Variants in SCHIP1 observed in about 807,000 individuals in gnomAD.
The protein encoded by SCHIP1 is schwannomin interacting protein 1.
SCHIP1 carries 8 observed loss-of-function variants against 29.7 expected under a neutral mutation model. The observed-to-expected ratio is 0.27, with a 90% CI of 0.16 to 0.49. SCHIP1 has a LOEUF of 0.49. Ranked by LOEUF, SCHIP1 falls within the 20% of genes least tolerant of loss-of-function variation. The pLI is 0.99. For missense variants in SCHIP1, 193 were observed against 294.6 expected (o/e 0.66, Z 2.52); for synonymous variants, 76 against 94.9 (o/e 0.80, Z 1.16).
the SCHIP1 span, among the ~76,000 whole-genome samples, chr3:159,651,338 G>A: frequency 1.5e-4 from 23 of 152,266 alleles, no homozygotes; most frequent in African/African-American, 5.3e-4. Context: ...AAGAGAAACA[G>A]CAAGGAAGTT....
chr3:159,365,572 G>C, the SCHIP1 span, among the ~76,000 whole-genome samples: 3 of 152,140 alleles, frequency 2.0e-5, no homozygotes, highest in Non-Finnish European at 2.9e-5. Flanking sequence ...AACAGTGCCT[G>C]GCATGGATAT....
chr3:159,333,051 G>GA, the SCHIP1 span, among the ~76,000 whole-genome samples: 1 of 152,102 alleles, frequency 6.6e-6, no homozygotes, highest in African/African-American at 2.4e-5. Flanking sequence ...GATACTGAAA[G>GA]ACTGTTACTT....
At chr3:159,776,966 G>C in the SCHIP1 span, among the ~76,000 whole-genome samples, 1 of 152,146 alleles carries the variant, frequency 6.6e-6, no homozygotes, top group African/African-American at 2.4e-5. Flanking sequence ...TGGAAGGTAT[G>C]TCCCAGGGGT....
chr3:159,464,185 G>A, the SCHIP1 span, among the ~76,000 whole-genome samples: 5 of 152,136 alleles, frequency 3.3e-5, no homozygotes, highest in African/African-American at 9.6e-5. Context: ...GGAACCAGCT[G>A]CTTATATTCT....
At chr3:159,281,816 T>C in the SCHIP1 span, among the ~76,000 whole-genome samples, 2 of 152,114 alleles carry the variant, frequency 1.3e-5, no homozygotes, top group African/African-American at 2.4e-5. Flanking sequence ...TTTTAGAAAA[T>C]ATGAAATGTT....
chr3:159,766,877 C>A, the SCHIP1 span, among the ~76,000 whole-genome samples: 1 of 152,182 alleles, frequency 6.6e-6, no homozygotes, highest in East Asian at 1.9e-4. Context: ...CCACCCCCAA[C>A]GCATCTTCTG....
chr3:159,283,269 C>T, the SCHIP1 span, among the ~76,000 whole-genome samples: 1 of 152,196 alleles, frequency 6.6e-6, no homozygotes, highest in Admixed American at 6.5e-5. Flanking sequence ...TCTCCTGCCT[C>T]AGCTTCCCGA....
At chr3:159,639,518 A>G in the SCHIP1 span, among the ~76,000 whole-genome samples, 3 of 152,174 alleles carry the variant, frequency 2.0e-5, no homozygotes, top group African/African-American at 2.4e-5. Context: ...GACCCATAGA[A>G]AAGGTGTGTT....
the SCHIP1 span, among the ~76,000 whole-genome samples, chr3:159,737,977 G>C: frequency 2.2e-4 from 34 of 152,266 alleles, no homozygotes; most frequent in Admixed American, 5.9e-4. Context: ...CCTAGAATCA[G>C]TTGAAAGACA....
chr3:159,862,820 C>A (rs74379074), intron 1 of SCHIP1, among the ~76,000 whole-genome samples: 2 of 150,052 alleles, frequency 1.3e-5, no homozygotes, highest in Non-Finnish European at 3.0e-5. Context: ...TTTTAAAAAA[C>A]TTTTTTTTTT....
chr3:159,588,053 C>T, the SCHIP1 span, among the ~76,000 whole-genome samples: 5 of 152,172 alleles, frequency 3.3e-5, no homozygotes, highest in Admixed American at 1.3e-4. Context: ...CACTGTCTTC[C>T]ACAATGGTTG....
chr3:159,487,046 G>A, the SCHIP1 span, among the ~76,000 whole-genome samples: 8 of 152,200 alleles, frequency 5.3e-5, no homozygotes, highest in South Asian at 1.7e-3. Flanking sequence ...CAATGAGCTG[G>A]TGGCACCTTC....
At chr3:159,493,342 G>T in the SCHIP1 span, among the ~76,000 whole-genome samples, 1 of 152,186 alleles carries the variant, frequency 6.6e-6, no homozygotes, top group African/African-American at 2.4e-5. Flanking sequence ...TCAGTGTGCT[G>T]TATTCAGGAA....
chr3:159,559,201 A>G, the SCHIP1 span, among the ~76,000 whole-genome samples: 2 of 152,180 alleles, frequency 1.3e-5, no homozygotes, highest in African/African-American at 4.8e-5. Flanking sequence ...TTAGAGACCC[A>G]ACTCTGCACA....
At chr3:159,871,319 C>T (rs910493971) in intron 2 of SCHIP1, among the ~76,000 whole-genome samples, 3 of 121,226 alleles carry the variant, frequency 2.5e-5, no homozygotes, top group South Asian at 2.7e-4. Context: ...TCACTTTGTC[C>T]GGTCTTACCC....
At chr3:159,855,540 A>G (rs1713249801) in intron 1 of SCHIP1, among the ~76,000 whole-genome samples, 1 of 152,184 alleles carries the variant, frequency 6.6e-6, no homozygotes, top group South Asian at 2.1e-4. Flanking sequence ...TGTAATATAC[A>G]TATATTTTAT....
the SCHIP1 span, among the ~76,000 whole-genome samples, chr3:159,653,765 AAAG>A: frequency 6.6e-6 from 1 of 152,000 alleles, no homozygotes; most frequent in Admixed American, 6.6e-5. Flanking sequence ...AAAAAAAAAA[AAAG>A]ATTTGATAGA....
the SCHIP1 span, among the ~76,000 whole-genome samples, chr3:159,479,231 T>G: frequency 6.6e-6 from 1 of 152,172 alleles, no homozygotes; most frequent in Non-Finnish European, 1.5e-5. Context: ...GTGAGATTAC[T>G]AATGAGTATT....
chr3:159,691,416 C>CT, the SCHIP1 span, among the ~76,000 whole-genome samples: 6,050 of 106,604 alleles, frequency 0.057, 231 homozygotes, highest in Non-Finnish European at 0.079. Flanking sequence ...GCAACCCCTG[C>CT]TTTTTTTTTT....
Sources: allele counts gnomAD v4.1 joint callset (sites outside exome capture counted in the v4.1 genomes callset), GRCh38; gene constraint gnomAD v4.1.1; transcripts MANE v1.5; gene names NCBI Gene and HGNC (gene_info 2026-07-23, HGNC 2026-07-21).